The following BMP5 variants were observed in gnomAD, a reference collection of about 807,000 sequenced individuals.
The protein encoded by BMP5 is bone morphogenetic protein 5.
A neutral mutation model predicts 46.6 loss-of-function variants in BMP5; 23 were observed. The observed-to-expected ratio is 0.49, with a 90% CI of 0.35 to 0.70. The LOEUF (loss-of-function observed/expected upper bound fraction) is 0.70, where lower values mean the gene tolerates loss of function less well. BMP5 is among the 30% of genes least tolerant of loss of function. BMP5 has a pLI of 0.00. For synonymous variants in BMP5, 204 were observed against 191.9 expected, an observed-to-expected ratio of 1.06 and a Z score of -0.52; for missense variants, 545 against 565.6, an observed-to-expected ratio of 0.96 and a Z score of 0.37.
At chr6:55,783,783 A>T (rs1191193868) in intron 3 of BMP5, among the ~76,000 whole-genome samples, 1 of 151,974 alleles carries the variant, frequency 6.6e-6, no homozygotes, top group African/African-American at 2.4e-5. Flanking sequence ...AATATTTCTG[A>T]CTTTGGCATT....
intron 3 of BMP5, among the ~76,000 whole-genome samples, chr6:55,792,419 G>A (rs189618404): frequency 7.2e-5 from 11 of 151,748 alleles, no homozygotes; most frequent in Admixed American, 5.3e-4. Context: ...CTGTAGTCCC[G>A]GCTACTCGGG....
intron 1 of BMP5, among the ~76,000 whole-genome samples, chr6:55,862,813 G>A (rs891619279): frequency 3.3e-5 from 5 of 152,242 alleles, no homozygotes; most frequent in African/African-American, 9.6e-5. Context: ...GCTTTGCTGC[G>A]ACTTGGTTTT....
intron 4 of BMP5, among the ~76,000 whole-genome samples, chr6:55,762,312 C>T (rs192736851): frequency 1.3e-5 from 2 of 152,044 alleles, no homozygotes; most frequent in Non-Finnish European, 2.9e-5. Flanking sequence ...TTACTCTCAA[C>T]CTCTAATGAA....
chr6:55,873,448 C>T (rs775607630), intron 1 of BMP5, among the ~76,000 whole-genome samples: 2 of 151,666 alleles, frequency 1.3e-5, no homozygotes, highest in Non-Finnish European at 3.0e-5. Context: ...TAAATTTCAC[C>T]TTCAATTTTT....
At chr6:55,756,681 G>C (rs549326595) in intron 6 of BMP5, among the ~76,000 whole-genome samples, 7 of 151,982 alleles carry the variant, frequency 4.6e-5, no homozygotes, top group Non-Finnish European at 8.8e-5. Context: ...CTTGCATGTG[G>C]ACAGAAACAG....
chr6:55,774,168 G>A lies in BMP5; in HGVS notation c.908C>T (p.Ala303Val), dbSNP rs767889125. ...AAGTACCTCACTCGCCTTGAAGAAG[G>A]CCACCATGAATGGTTGTTTTGACTG... ...GPQSKQPFMV[A>V]FFKASEVLLR... is the part of the protein sequence containing the mutation. The change falls in exon 4 of 7, where the codon GCC (alanine) becomes GTC (valine). Residue 303 changes from alanine (A) to valine (V), a missense_variant. Physicochemically the swap from Ala to Val is moderately conservative, Grantham distance 64 (BLOSUM62 0). Coordinates refer to ENST00000370830, the MANE Select transcript of BMP5 (RefSeq NM_021073.4). The A allele has an allele frequency of 6.8e-6, 11 of 1,613,106 alleles. No homozygotes were observed. Among genetic ancestry groups the A allele is most frequent in the Non-Finnish European group, 8.5e-6 (10 of 1,179,434 alleles).
chr6:55,830,080 A>G lies in BMP5; in HGVS notation c.491-10233T>C, dbSNP rs76888836. ...CAAATTAAACTTTACCAGTCTTTAC[A>G]TTTACAGTTAGAAACTGGAATACAT... On this transcript the variant is annotated intron_variant, in intron 1 of 6. Coordinates refer to ENST00000370830, the MANE Select transcript of BMP5 (RefSeq NM_021073.4). Among the ~76,000 whole-genome samples the G allele has an allele frequency of 5.9e-3, 897 of 152,162 alleles. 7 individuals carry two copies. Among genetic ancestry groups the G allele is most frequent in the African/African-American group, 0.02 (830 of 41,550 alleles).
At chr6:55,769,811 A>G (rs1025101431) in intron 4 of BMP5, among the ~76,000 whole-genome samples, 2 of 151,956 alleles carry the variant, frequency 1.3e-5, no homozygotes, top group African/African-American at 4.8e-5. Flanking sequence ...AGCATGATAA[A>G]AACAATTAGT....
chr6:55,768,458 T>C (rs963591827), intron 4 of BMP5, among the ~76,000 whole-genome samples: 1 of 151,902 alleles, frequency 6.6e-6, no homozygotes, highest in Non-Finnish European at 1.5e-5. Flanking sequence ...ATAGGCCTTG[T>C]TTTAGATGAG....
intron 4 of BMP5, among the ~76,000 whole-genome samples, chr6:55,764,339 C>T (rs1416448693): frequency 6.6e-6 from 1 of 152,018 alleles, no homozygotes; most frequent in Non-Finnish European, 1.5e-5. Flanking sequence ...TTTGGGAGGC[C>T]AAGGAGGGCG....
chr6:55,817,530 C>T (rs1776304315), intron 2 of BMP5, among the ~76,000 whole-genome samples: 1 of 151,396 alleles, frequency 6.6e-6, no homozygotes, highest in African/African-American at 2.4e-5. Flanking sequence ...TGTTCTCACT[C>T]ATAGGTGGGA....
At chr6:55,755,708 T>C (rs376171225) in intron 6 of BMP5, 26 bp from the exon 7 acceptor site, 83 of 1,600,028 alleles carry the variant, frequency 5.2e-5, no homozygotes, top group African/African-American at 2.6e-4. Context: ...GGTTTTGTTT[T>C]ATTAAGAAAT....
chr6:55,802,676 T>C (rs751407774), intron 2 of BMP5, among the ~76,000 whole-genome samples: 2 of 152,218 alleles, frequency 1.3e-5, no homozygotes, highest in South Asian at 4.1e-4. Flanking sequence ...TGTAATATGG[T>C]ATTTATTCCT....
At chr6:55,846,380 T>C (rs957882921) in intron 1 of BMP5, among the ~76,000 whole-genome samples, 4 of 152,002 alleles carry the variant, frequency 2.6e-5, no homozygotes, top group African/African-American at 9.7e-5. Flanking sequence ...TGGTAGTTGT[T>C]CAGGATGGTT....
At chr6:55,866,636 A>AT (rs1447379299) in intron 1 of BMP5, among the ~76,000 whole-genome samples, 1 of 151,974 alleles carries the variant, frequency 6.6e-6, no homozygotes, top group African/African-American at 2.4e-5. Flanking sequence ...CCCATACTGA[A>AT]TTTTTTCATT....
Position 55,786,740 on chromosome 6 carries a change from T to C in BMP5, c.832+7539A>G, listed in dbSNP as rs149050613. On this transcript the variant is annotated intron_variant, in intron 3 of 6. Transcript: ENST00000370830. ...TAGAGCAAATCATAAGTGTATATCT[T>C]CTTTTTTCCTTTCAGAACCTCCAGC... Among the ~76,000 whole-genome samples the C allele has an allele frequency of 1.6e-3, 240 of 151,820 alleles. 1 individual carries two copies. The highest frequency in any genetic ancestry group is 5.5e-3 in the African/African-American group (227 of 41,520).
At chr6:55,858,518 A>G (rs1443158234) in intron 1 of BMP5, among the ~76,000 whole-genome samples, 2 of 152,268 alleles carry the variant, frequency 1.3e-5, no homozygotes, top group Non-Finnish European at 2.9e-5. Context: ...AAATCTCAGA[A>G]GAAACACAAA....
chr6:55,868,623 C>T (rs1299088631), intron 1 of BMP5, among the ~76,000 whole-genome samples: 1 of 151,866 alleles, frequency 6.6e-6, no homozygotes, highest in Non-Finnish European at 1.5e-5. Context: ...GATTTTGTTT[C>T]TGCCTTTTAA....
chr6:55,814,901 G>A (rs540147598), intron 2 of BMP5, among the ~76,000 whole-genome samples: 9 of 152,118 alleles, frequency 5.9e-5, no homozygotes, highest in Non-Finnish European at 1.0e-4. Flanking sequence ...AGGCTGAGGC[G>A]GGTGGATCAC....
Sources: gnomAD v4.1 joint callset for allele counts (sites outside exome capture counted in the v4.1 genomes callset) on GRCh38, gnomAD v4.1.1 for gene constraint, MANE v1.5 for transcripts, NCBI Gene and HGNC (gene_info 2026-07-23, HGNC 2026-07-21) for gene names.